The following PRPSAP2 variants were observed in gnomAD, a reference collection of about 807,000 sequenced individuals.
PRPSAP2 encodes the protein phosphoribosyl pyrophosphate synthase-associated protein 2.
In PRPSAP2, 24 loss-of-function variants were observed where a neutral mutation model predicts 40.6. The observed-to-expected ratio is 0.59, with a 90% CI of 0.43 to 0.83. The LOEUF (loss-of-function observed/expected upper bound fraction) is 0.83, where lower values mean the gene tolerates loss of function less well. Among genes scored for constraint, PRPSAP2 ranks in the 40% least tolerant of loss-of-function variants. PRPSAP2 has a pLI of 0.00. For missense variants in PRPSAP2, 292 were observed against 465.6 expected (o/e 0.63, Z 3.43); for synonymous variants, 149 against 164.7 (o/e 0.90, Z 0.73).
At chr17:18,916,128 A>G (rs546329162) in intron 9 of PRPSAP2, among the ~76,000 whole-genome samples, 1 of 151,910 alleles carries the variant, frequency 6.6e-6, no homozygotes, top group Non-Finnish European at 1.5e-5. Flanking sequence ...CAAATTTTTA[A>G]CATAAGTTTT....
At position 18,869,503 on chromosome 17, in the gene PRPSAP2, AT is replaced by A. The variant is rs553779100; in HGVS notation, c.172+2185del. Among the ~76,000 whole-genome samples the A allele has an allele frequency of 5.7e-3, 733 of 128,372 alleles. 1 individual carries two copies. Among genetic ancestry groups the A allele is most frequent in the Admixed American group, 5.5e-3 (72 of 13,058 alleles). The allele number at this position is 128,372 out of a possible 152,430, so 84.2% of individuals were successfully genotyped here. On this transcript the variant is annotated intron_variant, in intron 4 of 11. Coordinates refer to ENST00000268835, the MANE Select transcript of PRPSAP2 (RefSeq NM_002767.4). ...CAGGTGGGCACCATGCTGCCAGGCTATTTTTTTTTTTTTTTTAAATATGGAG... is the reference window on the plus strand; with the variant it reads ...CAGGTGGGCACCATGCTGCCAGGCTATTTTTTTTTTTTTTTAAATATGGAG...
At chr17:18,880,408 T>C (rs1255536853) in intron 6 of PRPSAP2, among the ~76,000 whole-genome samples, 1 of 152,070 alleles carries the variant, frequency 6.6e-6, no homozygotes, top group African/African-American at 2.4e-5. Context: ...CTTGATATCT[T>C]TTTTTTTCCC....
chr17:18,894,671 G>C (rs2039806338), intron 8 of PRPSAP2, among the ~76,000 whole-genome samples: 1 of 151,948 alleles, frequency 6.6e-6, no homozygotes, highest in African/African-American at 2.4e-5. Flanking sequence ...TTTTAGTAGA[G>C]ATGGGGTTTC....
chr17:18,885,172 G>T (rs559409327), intron 7 of PRPSAP2, among the ~76,000 whole-genome samples: 1 of 152,178 alleles, frequency 6.6e-6, no homozygotes, highest in South Asian at 2.1e-4. Context: ...AGGCTGAGGA[G>T]GTTGGATCAG....
At chr17:18,902,809 C>A (rs1263053819) in intron 8 of PRPSAP2, among the ~76,000 whole-genome samples, 1 of 133,712 alleles carries the variant, frequency 7.5e-6, no homozygotes, top group Non-Finnish European at 1.5e-5. Flanking sequence ...GCAGAGGTTG[C>A]AGTTAGTCAG....
At chr17:18,910,841 T>A (rs1053985991) in intron 8 of PRPSAP2, among the ~76,000 whole-genome samples, 1 of 152,150 alleles carries the variant, frequency 6.6e-6, no homozygotes, top group African/African-American at 2.4e-5. Flanking sequence ...CTTCACTCAG[T>A]CAGGCTCTCC....
intron 7 of PRPSAP2, among the ~76,000 whole-genome samples, chr17:18,886,719 G>T (rs2039176609): frequency 6.6e-6 from 1 of 152,036 alleles, no homozygotes; most frequent in Non-Finnish European, 1.5e-5. Context: ...TGCACTGCTG[G>T]GGATGTGTCA....
intron 8 of PRPSAP2, among the ~76,000 whole-genome samples, chr17:18,891,048 T>A (rs996615720): frequency 6.6e-6 from 1 of 152,300 alleles, no homozygotes; most frequent in Middle Eastern, 3.4e-3. Flanking sequence ...AAGAACAAAA[T>A]CACTTGTAGG....
intron 9 of PRPSAP2, among the ~76,000 whole-genome samples, chr17:18,916,432 A>G (rs1567742318): frequency 6.7e-6 from 1 of 150,104 alleles, no homozygotes; most frequent in African/African-American, 2.5e-5. Flanking sequence ...CTGGAGTGCA[A>G]TGACACGATC....
At chr17:18,873,157 C>A (rs982293883) in intron 5 of PRPSAP2, among the ~76,000 whole-genome samples, 1 of 144,642 alleles carries the variant, frequency 6.9e-6, no homozygotes, top group Non-Finnish European at 1.5e-5. Context: ...GTGTTCTTAA[C>A]GGGTGGAAAT....
chr17:18,868,934 G>A (rs1275543118), intron 4 of PRPSAP2, among the ~76,000 whole-genome samples: 2 of 152,072 alleles, frequency 1.3e-5, no homozygotes, highest in African/African-American at 4.8e-5. Context: ...AAGTTTTGCT[G>A]TTCCCATGTT....
intron 4 of PRPSAP2, among the ~76,000 whole-genome samples, chr17:18,869,127 C>T (rs1467267500): frequency 6.6e-6 from 1 of 152,006 alleles, no homozygotes; most frequent in Non-Finnish European, 1.5e-5. Flanking sequence ...GCATAAGACT[C>T]CAGGAGACTG....
intron 1 of PRPSAP2, among the ~76,000 whole-genome samples, chr17:18,863,332 C>T (rs1009903661): frequency 2.6e-5 from 4 of 151,928 alleles, no homozygotes; most frequent in African/African-American, 4.8e-5. Flanking sequence ...CTCAAGCAGT[C>T]AGCCCACCTT....
chr17:18,860,727 C>T (rs2036945325), intron 1 of PRPSAP2: 1 of 152,200 alleles, frequency 6.6e-6, no homozygotes, highest in South Asian at 2.1e-4. Flanking sequence ...GGGAAGACAA[C>T]ACACTTCAAT....
chr17:18,878,892 C>T (rs149067172), intron 6 of PRPSAP2, among the ~76,000 whole-genome samples: 30 of 150,542 alleles, frequency 2.0e-4, no homozygotes, highest in African/African-American at 6.1e-4. Context: ...TTTTTTGAGA[C>T]GGAGTCTTGC....
chr17:18,885,903 A>G (rs574297147), intron 7 of PRPSAP2, among the ~76,000 whole-genome samples: 1 of 151,940 alleles, frequency 6.6e-6, no homozygotes, highest in African/African-American at 2.4e-5. Context: ...TTGTGTTTTT[A>G]GTAGAGATAG....
At position 18,907,409 on chromosome 17, in the gene PRPSAP2, C is replaced by T. The variant is rs964001837; in HGVS notation, c.585-3694C>T. On this transcript the variant is annotated intron_variant, in intron 8 of 11. Coordinates refer to ENST00000268835, the MANE Select transcript of PRPSAP2 (RefSeq NM_002767.4). ...AGTGTTTCAAAGTATATGAAGCAAA[C>T]ACTGATAACTGCAAGGAGAAATAGA... Among the ~76,000 whole-genome samples the T allele has an allele frequency of 2.0e-5, 3 of 152,138 alleles. No individual in the cohort carries two copies. The South Asian group carries it at 6.2e-4, about 31-fold the overall frequency.
At chr17:18,878,121 G>T (rs901700686) in intron 6 of PRPSAP2, among the ~76,000 whole-genome samples, 1 of 152,130 alleles carries the variant, frequency 6.6e-6, no homozygotes, top group Non-Finnish European at 1.5e-5. Flanking sequence ...TTACTATGTT[G>T]TTCAGGCTGG....
intron 1 of PRPSAP2, among the ~76,000 whole-genome samples, 196 bp from the exon 2 acceptor site, chr17:18,865,273 T>C (rs1476359237): frequency 6.6e-6 from 1 of 152,200 alleles, no homozygotes; most frequent in East Asian, 1.9e-4. Flanking sequence ...TCAGCCCGTG[T>C]TCCACTTGAG....
Sources: gnomAD v4.1 joint callset for allele counts (sites outside exome capture counted in the v4.1 genomes callset) on GRCh38, gnomAD v4.1.1 for gene constraint, MANE v1.5 for transcripts, NCBI Gene and HGNC (gene_info 2026-07-23, HGNC 2026-07-21) for gene names.